The following OSMR variants were observed in gnomAD, a reference collection of about 807,000 sequenced individuals.
OSMR encodes oncostatin-M-specific receptor subunit beta.
OSMR carries 81 observed loss-of-function variants against 99.9 expected under a neutral mutation model. The ratio of observed to expected loss-of-function variants is 0.81; its 90% CI spans 0.68 to 0.97. The LOEUF (loss-of-function observed/expected upper bound fraction) is 0.97, where lower values mean the gene tolerates loss of function less well. Among genes scored for constraint, OSMR ranks in the 50% least tolerant of loss-of-function variants. The pLI is 0.00. For missense variants in OSMR, 1,099 were observed against 1,153.4 expected (o/e 0.95, Z 0.68); for synonymous variants, 406 against 410.4 (o/e 0.99, Z 0.13).
intron 3 of OSMR, among the ~76,000 whole-genome samples, chr5:38,878,183 T>C (rs1425087585): frequency 6.6e-6 from 1 of 152,178 alleles, no homozygotes; most frequent in Non-Finnish European, 1.5e-5. Flanking sequence ...ATGGAATAGA[T>C]GATGCCTTGA....
chr5:38,927,273 T>C (rs1746513654), intron 15 of OSMR, among the ~76,000 whole-genome samples: 1 of 152,182 alleles, frequency 6.6e-6, no homozygotes, highest in African/African-American at 2.4e-5. Context: ...ACAGCTCCAC[T>C]AGGCAGTGGG....
chr5:38,904,525 T>C (rs1207520308), intron 9 of OSMR, 22 bp downstream of exon 9: 1 of 1,614,102 alleles, frequency 6.2e-7, no homozygotes, highest in East Asian at 2.2e-5. Flanking sequence ...CCCTGGCATT[T>C]AACCCAAAGA....
At chr5:38,931,709 AGTTG>A in intron 15 of OSMR, 170 bp from the exon 16 acceptor site, 4 of 929,152 alleles carry the variant, frequency 4.3e-6, no homozygotes, top group Non-Finnish European at 5.1e-6. Context: ...TTGGTTGGCT[AGTTG>A]GTTGGTTGGC....
At chr5:38,872,745 C>T (rs1360385535) in intron 2 of OSMR, among the ~76,000 whole-genome samples, 2 of 152,114 alleles carry the variant, frequency 1.3e-5, no homozygotes, top group Non-Finnish European at 2.9e-5. Flanking sequence ...TGACTGTTAA[C>T]ATTTTATTTT....
chr5:38,900,546 ACT>A (rs1374197183), intron 7 of OSMR, among the ~76,000 whole-genome samples: 3 of 152,074 alleles, frequency 2.0e-5, no homozygotes, highest in African/African-American at 7.2e-5. Flanking sequence ...AGAGAGGGAG[ACT>A]CTAAAAGAAA....
In OSMR at chr5:38,933,438, C is replaced by G; in HGVS notation, c.2934C>G (p.Tyr978Ter). Residue 978 changes from tyrosine (Y) to a stop codon, truncating the protein, a stop_gained, in exon 18 of 18, where the codon TAC (tyrosine) becomes TAG (stop). Transcript: ENST00000274276. LOFTEE classifies it high-confidence loss of function. ...SITLLDPGEHYC is the reference protein window; with the variant it reads ...SITLLDPGEH ...CCCTTTTAGATCCAGGTGAACACTA[C>G]TGCTAACCAGCATGCCGATTTCATA... The G allele has an allele frequency of 6.2e-7, 1 of 1,614,152 alleles. No homozygotes were observed. The highest frequency in any genetic ancestry group is 1.1e-5 in the South Asian group (1 of 91,080).
At chr5:38,890,841 G>T (rs1744110089) in intron 7 of OSMR, among the ~76,000 whole-genome samples, 1 of 152,002 alleles carries the variant, frequency 6.6e-6, no homozygotes, top group African/African-American at 2.4e-5. Context: ...AAACAAGCCT[G>T]GGGACGTTGA....
At chr5:38,890,496 C>G (rs1744081061) in intron 7 of OSMR, among the ~76,000 whole-genome samples, 1 of 152,102 alleles carries the variant, frequency 6.6e-6, no homozygotes, top group South Asian at 2.1e-4. Context: ...CCCTAAGCAA[C>G]TGCTAGCAAG....
At position 38,886,874 on chromosome 5, in the gene OSMR, A is replaced by G. The variant is rs57248501; in HGVS notation, c.991+684A>G. On this transcript the variant is annotated intron_variant, in intron 7 of 17. Transcript: ENST00000274276. ...CATATATACTTAAGAGTTGGATCAGATGTAGAATATGTTCAACTTACAGGA... is the reference window on the plus strand; with the variant it reads ...CATATATACTTAAGAGTTGGATCAGGTGTAGAATATGTTCAACTTACAGGA... Among the ~76,000 whole-genome samples the G allele has an allele frequency of 9.2e-3, 1,408 of 152,332 alleles. 29 individuals are homozygous for G. Among genetic ancestry groups the G allele is most frequent in the African/African-American group, 0.031 (1,306 of 41,572 alleles).
intron 1 of OSMR, among the ~76,000 whole-genome samples, chr5:38,850,603 CA>C (rs1740279741): frequency 1.3e-5 from 2 of 152,064 alleles, no homozygotes; most frequent in Admixed American, 1.3e-4. Flanking sequence ...AAGAAAAGCA[CA>C]ATTGTAAGTG....
chr5:38,862,820 A>T (rs1255603088), intron 1 of OSMR, among the ~76,000 whole-genome samples: 1 of 151,532 alleles, frequency 6.6e-6, no homozygotes, highest in Non-Finnish European at 1.5e-5. Flanking sequence ...GGCGGCTGGG[A>T]GGTGGAGGTT....
intron 1 of OSMR, among the ~76,000 whole-genome samples, chr5:38,861,979 C>A (rs1579639302): frequency 8.1e-6 from 1 of 124,184 alleles, no homozygotes; most frequent in South Asian, 2.9e-4. Context: ...GGACTGACCC[C>A]CTCACCTCCC....
At chr5:38,924,695 A>G (rs530851775) in intron 14 of OSMR, 100 bp downstream of exon 14, 1 of 1,053,434 alleles carries the variant, frequency 9.5e-7, no homozygotes, top group African/African-American at 1.6e-5. Context: ...GCCAGGCTGA[A>G]TTCCCTTCTT....
chr5:38,879,847 C>T (rs1743135404), intron 3 of OSMR, among the ~76,000 whole-genome samples: 2 of 152,092 alleles, frequency 1.3e-5, no homozygotes, highest in African/African-American at 4.8e-5. Flanking sequence ...CGGTCTCAAA[C>T]TCCTGACCTC....
chr5:38,852,711 T>C (rs1044427464), intron 1 of OSMR, among the ~76,000 whole-genome samples: 2 of 142,950 alleles, frequency 1.4e-5, no homozygotes, highest in Non-Finnish European at 3.0e-5. Context: ...TTGAAACTAT[T>C]GTTTTCATTT....
chr5:38,891,009 A>G (rs1744120952), intron 7 of OSMR, among the ~76,000 whole-genome samples: 1 of 152,214 alleles, frequency 6.6e-6, no homozygotes, highest in Non-Finnish European at 1.5e-5. Context: ...TCAGGGAATG[A>G]CAGGGATTTA....
chr5:38,933,640 C>T lies in OSMR; in HGVS notation c.*196C>T, dbSNP rs1164467162. 1.6e-6 allele frequency: 1 copy of T among 615,012 alleles called. No homozygotes were observed. Among genetic ancestry groups the T allele is most frequent in the East Asian group, 2.8e-5 (1 of 35,756 alleles). The allele number at this position is 615,012 out of a possible 1,614,324, so 38.1% of individuals were successfully genotyped here. On this transcript the variant is annotated 3_prime_UTR_variant, in exon 18 of 18. Coordinates refer to ENST00000274276, the MANE Select transcript of OSMR (RefSeq NM_003999.3). ...CACTCCCCATTGGAGCAAGCTTGCC[C>T]TAGAGACGGCAGGATCATGGGAGCA...
At chr5:38,884,538 G>A (rs1310168950) in intron 5 of OSMR, among the ~76,000 whole-genome samples, 2 of 152,288 alleles carry the variant, frequency 1.3e-5, no homozygotes, top group South Asian at 4.1e-4. Flanking sequence ...ATCTCGCCAA[G>A]TTTCCTAGCC....
In OSMR at chr5:38,933,679, C is replaced by CTGTT; in HGVS notation, c.*240_*243dup. The CTGTT allele has an allele frequency of 1.8e-6, 1 of 558,522 alleles. No individual in the cohort carries two copies. The highest frequency in any genetic ancestry group is 3.2e-6 in the Non-Finnish European group (1 of 311,764). 34.6% of individuals were successfully genotyped at this position (558,522 alleles called of 1,614,324 possible). A position where few individuals can be genotyped will look rare whatever the true frequency, so the allele number is the denominator to read the frequency against. ...ATCATGGGAGCATGCTTACCTTCTG[C>CTGTT]TGTTTGTTCCAGGCTCACCTTTAGA... is the stretch of plus-strand genomic sequence containing the variant. On this transcript the variant is annotated 3_prime_UTR_variant, in exon 18 of 18. Coordinates refer to ENST00000274276, the MANE Select transcript of OSMR (RefSeq NM_003999.3).
Sources: allele counts gnomAD v4.1 joint callset (sites outside exome capture counted in the v4.1 genomes callset), GRCh38; gene constraint gnomAD v4.1.1; transcripts MANE v1.5; gene names NCBI Gene and HGNC (gene_info 2026-07-23, HGNC 2026-07-21).